The following KLHL29 variants were observed in gnomAD, a reference collection of about 807,000 sequenced individuals.
KLHL29 encodes the protein kelch-like protein 29.
Under a neutral mutation model 80.4 loss-of-function variants are expected in KLHL29, and 21 were observed. That is an observed-to-expected ratio of 0.26 (90% CI 0.19 to 0.38). The LOEUF is 0.38. KLHL29 is among the 10% of genes least tolerant of loss of function. KLHL29 has a pLI of 1.00. For synonymous variants in KLHL29, 511 were observed against 526.8 expected, an observed-to-expected ratio of 0.97 and a Z score of 0.41; for missense variants, 867 against 1,223.9, an observed-to-expected ratio of 0.71 and a Z score of 4.35.
intron 5 of KLHL29, among the ~76,000 whole-genome samples, chr2:23,645,817 T>C (rs1317840129): frequency 6.6e-6 from 1 of 152,232 alleles, no homozygotes; most frequent in Non-Finnish European, 1.5e-5. Context: ...GTTGGGACTT[T>C]AATTTAAAAC....
At chr2:23,463,877 A>T (rs1572337202) in intron 1 of KLHL29, among the ~76,000 whole-genome samples, 1 of 152,342 alleles carries the variant, frequency 6.6e-6, no homozygotes, top group East Asian at 1.9e-4. Context: ...GTCCATTATC[A>T]CTGTATTACC....
chr2:23,406,691 A>G (rs1666746793), intron 1 of KLHL29, among the ~76,000 whole-genome samples: 1 of 152,128 alleles, frequency 6.6e-6, no homozygotes, highest in Admixed American at 6.5e-5. Flanking sequence ...TGAGGGTAAT[A>G]TTGAGCCTGT....
chr2:23,425,928 G>C (rs1393095155), intron 1 of KLHL29, among the ~76,000 whole-genome samples: 3 of 152,216 alleles, frequency 2.0e-5, no homozygotes, highest in East Asian at 3.9e-4. Flanking sequence ...CAGGGCCTCA[G>C]GGTGGCCAAG....
At chr2:23,480,214 T>C (rs1006203810) in intron 2 of KLHL29, among the ~76,000 whole-genome samples, 4 of 152,148 alleles carry the variant, frequency 2.6e-5, no homozygotes, top group African/African-American at 4.8e-5. Context: ...GGCCCGGCCG[T>C]GGTGGCTCAC....
chr2:23,514,014 A>G (rs1224972044), intron 2 of KLHL29, among the ~76,000 whole-genome samples: 1 of 152,220 alleles, frequency 6.6e-6, no homozygotes, highest in East Asian at 1.9e-4. Flanking sequence ...TTCAAACGCA[A>G]TAAATCACAA....
At chr2:23,412,839 G>A (rs2103396247) in intron 1 of KLHL29, among the ~76,000 whole-genome samples, 1 of 152,302 alleles carries the variant, frequency 6.6e-6, no homozygotes, top group African/African-American at 2.4e-5. Context: ...GCAGGTGTCG[G>A]CCTTGGAGGG....
intron 1 of KLHL29, among the ~76,000 whole-genome samples, chr2:23,427,856 A>G (rs531234699): frequency 2.0e-5 from 3 of 152,318 alleles, no homozygotes; most frequent in Non-Finnish European, 2.9e-5. Context: ...GTTGTAGTTA[A>G]GTAAAACAAT....
In KLHL29 at chr2:23,562,239, G is replaced by T. The variant is rs889708569; in HGVS notation, c.43G>T (p.Gly15Cys). 4 of 1,550,476 alleles carry T rather than the reference G, an allele frequency of 2.6e-6. No homozygotes were observed. The highest frequency in any genetic ancestry group is 1.4e-5 in the African/African-American group (1 of 73,044). The change falls in exon 3 of 14, where the codon GGC becomes TGC. Residue 15 changes from glycine to cysteine, a missense_variant. By Grantham distance (159) the Gly-to-Cys change is radical. Transcript: ENST00000486442. The surrounding 1 kb of genome is among the most constrained non-coding windows in gnomAD (Gnocchi z 4.5). Reference protein sequence around the residue: ...HSRFERDYRVGWDRREWSVNG... With the variant: ...HSRFERDYRVCWDRREWSVNG... ...CCGCTTCGAAAGAGATTACCGGGTG[G>T]GCTGGGACCGCCGCGAATGGAGCGT...
At chr2:23,472,209 A>G (rs1409753234) in intron 1 of KLHL29, among the ~76,000 whole-genome samples, 1 of 152,204 alleles carries the variant, frequency 6.6e-6, no homozygotes, top group Non-Finnish European at 1.5e-5. Flanking sequence ...GACTGATGCT[A>G]AATGTTAACC....
chr2:23,591,447 C>T (rs1377472528), intron 3 of KLHL29, among the ~76,000 whole-genome samples: 4 of 151,900 alleles, frequency 2.6e-5, no homozygotes, highest in African/African-American at 7.3e-5. Context: ...TCTTCCCCCA[C>T]GTGACTCTTC....
chr2:23,497,300 G>C (rs752231027), intron 2 of KLHL29, among the ~76,000 whole-genome samples: 4 of 152,096 alleles, frequency 2.6e-5, no homozygotes, highest in Non-Finnish European at 5.9e-5. Flanking sequence ...CTGCCCATGT[G>C]GTTCTCTTTC....
chr2:23,580,526 T>C (rs1667955332), intron 3 of KLHL29, among the ~76,000 whole-genome samples: 1 of 37,316 alleles, frequency 2.7e-5, no homozygotes, highest in African/African-American at 7.6e-5. Context: ...ATACAAAAAA[T>C]TAGCTTAGCG....
intron 1 of KLHL29, among the ~76,000 whole-genome samples, chr2:23,461,448 T>C (rs908799867): frequency 6.6e-6 from 1 of 152,222 alleles, no homozygotes; most frequent in African/African-American, 2.4e-5. Flanking sequence ...CCTCTAGCCT[T>C]AAAGAGTACG....
chr2:23,484,609 A>T (rs1261698305), intron 2 of KLHL29, among the ~76,000 whole-genome samples: 2 of 152,202 alleles, frequency 1.3e-5, no homozygotes, highest in Non-Finnish European at 2.9e-5. Flanking sequence ...CCCGCCAGCC[A>T]GAGAGCCACA....
chr2:23,666,238 C>T (rs186762001), intron 5 of KLHL29, among the ~76,000 whole-genome samples: 12 of 152,350 alleles, frequency 7.9e-5, no homozygotes, highest in Admixed American at 7.8e-4. Flanking sequence ...GATGCAGCAA[C>T]TAGAGAAATC....
At chr2:23,399,904 A>G (rs1486550201) in intron 1 of KLHL29, among the ~76,000 whole-genome samples, 1 of 152,178 alleles carries the variant, frequency 6.6e-6, no homozygotes, top group Non-Finnish European at 1.5e-5. Flanking sequence ...CCCTGGAGTT[A>G]ACTCTACTGC....
chr2:23,549,662 C>A (rs938229132), intron 2 of KLHL29, among the ~76,000 whole-genome samples: 1 of 152,204 alleles, frequency 6.6e-6, no homozygotes, highest in Admixed American at 6.5e-5. Context: ...GGACAAAAGT[C>A]TCTCCCAAGT....
At chr2:23,505,412 G>A (rs1293024120) in intron 2 of KLHL29, among the ~76,000 whole-genome samples, 3 of 152,250 alleles carry the variant, frequency 2.0e-5, no homozygotes, top group Non-Finnish European at 4.4e-5. Context: ...CCAGCTCTCT[G>A]CACCGCTCCT....
At chr2:23,525,201 G>C (rs771385047) in intron 2 of KLHL29, among the ~76,000 whole-genome samples, 1 of 152,218 alleles carries the variant, frequency 6.6e-6, no homozygotes, top group Non-Finnish European at 1.5e-5. Context: ...GAGAAGACTT[G>C]AGGACTGAGA....
Sources: gnomAD v4.1 joint callset for allele counts (sites outside exome capture counted in the v4.1 genomes callset) on GRCh38, gnomAD v4.1.1 for gene constraint, Gnocchi (gnomAD v3.1) non-coding constraint, MANE v1.5 for transcripts, NCBI Gene and HGNC (gene_info 2026-07-23, HGNC 2026-07-21) for gene names.